The following CAPS2 variants were observed in gnomAD, a reference collection of about 807,000 sequenced individuals.
CAPS2 encodes calcyphosine 2, also known as calcyphosin-2.
Under a neutral mutation model 86.5 loss-of-function variants are expected in CAPS2, and 98 were observed. The ratio of observed to expected loss-of-function variants is 1.13; its 90% CI spans 0.96 to 1.34. CAPS2 has a LOEUF of 1.34. Ranked by LOEUF, CAPS2 falls within the 40% of genes most tolerant of loss-of-function variation. The pLI, the probability that CAPS2 is intolerant of heterozygous loss-of-function variation, is 0.00. For missense variants in CAPS2, 729 were observed against 686.8 expected (o/e 1.06, Z -0.69); for synonymous variants, 210 against 225.1 (o/e 0.93, Z 0.60).
chr12:75,308,023 T>C (rs1050309321), intron 7 of CAPS2, among the ~76,000 whole-genome samples: 37 of 152,130 alleles, frequency 2.4e-4, no homozygotes, highest in Admixed American at 1.8e-3. Context: ...CCACCCCCTT[T>C]TCCTGTGTGG....
chr12:75,288,785 A>G (rs75086422), intron 14 of CAPS2, among the ~76,000 whole-genome samples: 126 of 152,280 alleles, frequency 8.3e-4, no homozygotes, highest in African/African-American at 2.8e-3. Context: ...TTCAGATGTT[A>G]ATAAAGAGCA....
intron 11 of CAPS2, among the ~76,000 whole-genome samples, chr12:75,297,369 T>G (rs901970832): frequency 6.6e-6 from 1 of 152,184 alleles, no homozygotes; most frequent in Non-Finnish European, 1.5e-5. Context: ...GTAAAATTTT[T>G]CCTCAACCCA....
At chr12:75,344,917 T>C (rs569169924) in intron 1 of CAPS2, among the ~76,000 whole-genome samples, 1 of 152,280 alleles carries the variant, frequency 6.6e-6, no homozygotes, top group African/African-American at 2.4e-5. Flanking sequence ...CTGAGAATTA[T>C]GAAGTTGTCC....
At chr12:75,361,821 G>A (rs2043616154) in intron 1 of CAPS2, among the ~76,000 whole-genome samples, 1 of 152,100 alleles carries the variant, frequency 6.6e-6, no homozygotes. Context: ...GGGGCTTACA[G>A]GTTCCTCCCT....
At chr12:75,276,113 T>A, downstream of CAPS2, 1 of 1,302,402 alleles carries the variant, frequency 7.7e-7, no homozygotes, top group Middle Eastern at 1.9e-4. Context: ...AACGAATACA[T>A]CCATGTCCAC....
At chr12:75,361,441 C>T (rs996766792) in intron 1 of CAPS2, among the ~76,000 whole-genome samples, 23 of 152,168 alleles carry the variant, frequency 1.5e-4, no homozygotes, top group African/African-American at 5.5e-4. Context: ...ACCAGGAACC[C>T]AACCCTATCT....
chr12:75,369,698 T>A, intron 1 of CAPS2: 1 of 985,184 alleles, frequency 1.0e-6, no homozygotes, highest in Non-Finnish European at 1.2e-6. Flanking sequence ...TTAACTACTT[T>A]ATAGCTTTTT....
At chr12:75,289,882 A>C in intron 13 of CAPS2, 107 bp from the exon 14 acceptor site, 1 of 776,104 alleles carries the variant, frequency 1.3e-6, no homozygotes, top group Non-Finnish European at 2.1e-6. Flanking sequence ...TGAAATAAGG[A>C]ATGTGAATAT....
intron 2 of CAPS2, among the ~76,000 whole-genome samples, chr12:75,325,014 A>C (rs2040633761): frequency 6.6e-6 from 1 of 152,122 alleles, no homozygotes; most frequent in Admixed American, 6.5e-5. Flanking sequence ...AAAACATATT[A>C]AGGAAAATAA....
At chr12:75,342,578 A>G (rs1448163752) in intron 1 of CAPS2, among the ~76,000 whole-genome samples, 1 of 152,164 alleles carries the variant, frequency 6.6e-6, no homozygotes, top group Non-Finnish European at 1.5e-5. Context: ...CAATATGACA[A>G]TATCTTAATG....
upstream of CAPS2, among the ~76,000 whole-genome samples, chr12:75,333,266 G>A (rs76787175): frequency 8.2e-6 from 1 of 121,578 alleles, no homozygotes. Context: ...ACACATATAT[G>A]TGTATACAAA....
At chr12:75,306,362 G>C in intron 7 of CAPS2, 1 of 464,456 alleles carries the variant, frequency 2.2e-6, no homozygotes, top group Admixed American at 3.1e-5. Context: ...CTGAGGACTA[G>C]CAAGGTCTGG....
chr12:75,297,253 A>T (rs991732039), intron 11 of CAPS2, among the ~76,000 whole-genome samples: 3 of 152,194 alleles, frequency 2.0e-5, no homozygotes, highest in Non-Finnish European at 4.4e-5. Context: ...TGCATTAAAC[A>T]TTCTTCTGCA....
intron 2 of CAPS2, among the ~76,000 whole-genome samples, chr12:75,324,350 T>C (rs1289115229): frequency 6.6e-6 from 1 of 152,212 alleles, no homozygotes; most frequent in Non-Finnish European, 1.5e-5. Flanking sequence ...TGATTAATAT[T>C]TGTAAATTGA....
exon 1 of CAPS2, chr12:75,326,468 T>G: frequency 1.3e-6 from 2 of 1,545,388 alleles, no homozygotes; most frequent in Non-Finnish European, 1.8e-6. Context: ...CTCCTAGAAG[T>G]GGCAGCAACT....
rs752203525 is a variant in CAPS2 at position 75,324,166 on chromosome 12, T to C, written c.132-944A>G. 4.5e-4 allele frequency among the ~76,000 whole-genome samples: 69 copies of C among 152,196 alleles called. 1 individual carries two copies. Among genetic ancestry groups the C allele is most frequent in the Non-Finnish European group, 2.2e-4 (15 of 68,020 alleles). ...TTTGACTCAGCCAAGAAATCACTCA[T>C]GTCACTTTTTAAAGTAAATAAAAAT... On this transcript the variant is annotated intron_variant, in intron 2 of 16. Transcript: ENST00000393284.
At chr12:75,317,879 GA>G (rs939742840) in intron 5 of CAPS2, among the ~76,000 whole-genome samples, 50 of 150,780 alleles carry the variant, frequency 3.3e-4, no homozygotes, top group Non-Finnish European at 4.7e-4. Context: ...AAATTTCTAG[GA>G]AAAAAAATAC....
intron 1 of CAPS2, among the ~76,000 whole-genome samples, chr12:75,366,251 T>TA (rs770271953): frequency 1.6e-3 from 248 of 152,288 alleles, no homozygotes; most frequent in Non-Finnish European, 2.6e-3. Context: ...TCCCATTTTT[T>TA]ATTTCAGAAC....
chr12:75,293,123 G>A (rs748778845), intron 12 of CAPS2, 126 bp downstream of exon 12: 2 of 629,440 alleles, frequency 3.2e-6, no homozygotes, highest in Non-Finnish European at 5.5e-6. Context: ...ACGTAGCTAT[G>A]CTTGTTTTTT....
Sources: allele counts gnomAD v4.1 joint callset (sites outside exome capture counted in the v4.1 genomes callset), GRCh38; gene constraint gnomAD v4.1.1; transcripts MANE v1.5; gene names NCBI Gene and HGNC (gene_info 2026-07-23, HGNC 2026-07-21).